Variants in MAOB observed in about 807,000 individuals in gnomAD.
MAOB encodes the protein monoamine oxidase B.
MAOB carries 15 observed loss-of-function variants against 41.9 expected under a neutral mutation model. That is an observed-to-expected ratio of 0.36 (90% CI 0.24 to 0.55). The LOEUF (loss-of-function observed/expected upper bound fraction) is 0.55. MAOB is among the 20% of genes least tolerant of loss of function. The pLI is 0.86. For missense variants in MAOB, 345 were observed against 398.7 expected, an observed-to-expected ratio of 0.87 and a Z score of 1.15; for synonymous variants, 167 against 144.2, an observed-to-expected ratio of 1.16 and a Z score of -1.13.
intron 1 of MAOB, among the ~76,000 whole-genome samples, chrX:43,873,999 A>T (rs1321508909): frequency 3.6e-5 from 4 of 112,020 alleles, no homozygotes; most frequent in Non-Finnish European, 7.5e-5. Flanking sequence ...AACAAATAAG[A>T]TGAACTATTC....
At chrX:43,857,116 T>TATAG (rs2035299097) in intron 1 of MAOB, among the ~76,000 whole-genome samples, 2 of 11,356 alleles carry the variant, frequency 1.8e-4, no homozygotes, top group African/African-American at 3.3e-4. Flanking sequence ...TATATATATA[T>TATAG]AGAGAGAGAG....
At chrX:43,799,410 A>G (rs1413069638) in intron 5 of MAOB, among the ~76,000 whole-genome samples, 2 of 111,941 alleles carry the variant, frequency 1.8e-5, no homozygotes, top group Non-Finnish European at 3.8e-5. Flanking sequence ...TGAGGGGCAT[A>G]CAGTAAAGGG....
chrX:43,828,792 C>G (rs1356505646), intron 3 of MAOB, among the ~76,000 whole-genome samples: 2 of 111,820 alleles, frequency 1.8e-5, no homozygotes, highest in Non-Finnish European at 3.8e-5. Flanking sequence ...GCATCTTGAG[C>G]AAGTTGTGTA....
intron 3 of MAOB, among the ~76,000 whole-genome samples, chrX:43,808,436 T>C (rs151207828): frequency 0.015 from 1,676 of 111,097 alleles, 30 homozygotes; most frequent in African/African-American, 0.052. Context: ...AATGTCTGTC[T>C]GTCACTGCCA....
intron 1 of MAOB, among the ~76,000 whole-genome samples, chrX:43,864,224 C>T (rs1230702450): frequency 1.8e-5 from 2 of 110,732 alleles, no homozygotes; most frequent in South Asian, 3.8e-4. Flanking sequence ...TAAATATATA[C>T]GTATTTTCTC....
At chrX:43,800,904 G>A (rs1307185238) in intron 5 of MAOB, among the ~76,000 whole-genome samples, 1 of 110,897 alleles carries the variant, frequency 9.0e-6, no homozygotes, top group East Asian at 2.8e-4. Flanking sequence ...GCTTTTCTAT[G>A]TGTTTAATAT....
Position 43,801,922 on chromosome X carries a change from C to T in MAOB, c.476+250G>A, listed in dbSNP as rs112534593. On this transcript the variant is annotated intron_variant, in intron 5 of 14. Coordinates refer to ENST00000378069, the MANE Select transcript of MAOB (RefSeq NM_000898.5). The stretch of plus-strand genomic sequence containing the variant: ...CTGTTTCAGATAAAGAAAGTGGTAC[C>T]TTCTGGTCTGTTCTGAGGACTTCAC... Among the ~76,000 whole-genome samples, 891 of 112,727 alleles carry T rather than the reference C, an allele frequency of 7.9e-3. 10 individuals are homozygous for T. The highest frequency in any genetic ancestry group is 0.027 in the African/African-American group (854 of 31,081).
chrX:43,770,233 C>T (rs1169503599), intron 12 of MAOB, among the ~76,000 whole-genome samples: 2 of 111,231 alleles, frequency 1.8e-5, no homozygotes, highest in Non-Finnish European at 3.8e-5. Flanking sequence ...ATACCTGATT[C>T]CCAAGCTCCA....
intron 1 of MAOB, among the ~76,000 whole-genome samples, chrX:43,857,116 TAGAGAG>T (rs1163831661): frequency 0.038 from 417 of 11,105 alleles, 14 homozygotes; most frequent in Middle Eastern, 0.05. Context: ...TATATATATA[TAGAGAG>T]AGAGAGAGAG....
At chrX:43,818,741 C>A (rs1022700038) in intron 3 of MAOB, among the ~76,000 whole-genome samples, 3 of 112,253 alleles carry the variant, frequency 2.7e-5, no homozygotes, top group African/African-American at 9.7e-5. Context: ...AACACTTAAA[C>A]AAAATGGAAA....
chrX:43,875,560 T>C lies in MAOB; in HGVS notation c.46+6694A>G, dbSNP rs757387809. Among the ~76,000 whole-genome samples the C allele has an allele frequency of 1.2e-4, 13 of 111,871 alleles. No homozygotes were observed. In the South Asian group the frequency reaches 4.9e-3, roughly 42 times the overall value. ...GAATGAGATTCTTGCAAAAGCACAA[T>C]GGTACACATTTAACCTGAGCAAATT... On this transcript the variant is annotated intron_variant, in intron 1 of 14. Coordinates refer to ENST00000378069, the MANE Select transcript of MAOB (RefSeq NM_000898.5).
chrX:43,853,838 A>G (rs956213404), intron 1 of MAOB, among the ~76,000 whole-genome samples: 17 of 111,849 alleles, frequency 1.5e-4, no homozygotes, highest in Admixed American at 1.3e-3. Context: ...CCTAGAAGGA[A>G]CCAACTCTGC....
At chrX:43,832,056 C>T (rs983401568) in intron 3 of MAOB, among the ~76,000 whole-genome samples, 5 of 111,865 alleles carry the variant, frequency 4.5e-5, no homozygotes, top group African/African-American at 1.6e-4. Context: ...CTGATCCATT[C>T]CTGAATTCTT....
At chrX:43,841,766 T>C (rs916725164) in intron 2 of MAOB, among the ~76,000 whole-genome samples, 1 of 111,781 alleles carries the variant, frequency 8.9e-6, no homozygotes, top group Non-Finnish European at 1.9e-5. Context: ...ACATTTACAA[T>C]CAATTGAGTT....
chrX:43,832,203 T>G (rs2035026488), intron 3 of MAOB, among the ~76,000 whole-genome samples: 2 of 111,889 alleles, frequency 1.8e-5, no homozygotes, highest in South Asian at 7.6e-4. Context: ...GAAAAAATGA[T>G]AAAGCATTCG....
chrX:43,816,003 G>T (rs1476689425), intron 3 of MAOB, among the ~76,000 whole-genome samples: 1 of 112,062 alleles, frequency 8.9e-6, no homozygotes, highest in Non-Finnish European at 1.9e-5. Context: ...AAGAACTTTA[G>T]TTCCTTAATG....
At chrX:43,810,141 G>A (rs1406794732) in intron 3 of MAOB, among the ~76,000 whole-genome samples, 1 of 99,634 alleles carries the variant, frequency 1.0e-5, no homozygotes, top group Non-Finnish European at 2.0e-5. Flanking sequence ...TACTCGGGAG[G>A]CTGAGGCAGG....
chrX:43,868,283 C>T (rs2035378348), intron 1 of MAOB, among the ~76,000 whole-genome samples: 1 of 112,256 alleles, frequency 8.9e-6, no homozygotes, highest in African/African-American at 3.2e-5. Context: ...AGTGCACACC[C>T]CAAATGATTT....
intron 3 of MAOB, among the ~76,000 whole-genome samples, chrX:43,819,831 G>A (rs752689366): frequency 7.1e-5 from 8 of 111,960 alleles, no homozygotes; most frequent in Admixed American, 1.9e-4. Flanking sequence ...ATGAGACATA[G>A]AGCAATAGCT....
Sources: gnomAD v4.1 joint callset for allele counts (sites outside exome capture counted in the v4.1 genomes callset) on GRCh38, gnomAD v4.1.1 for gene constraint, MANE v1.5 for transcripts, NCBI Gene and HGNC (gene_info 2026-07-23, HGNC 2026-07-21) for gene names.